The following GALNT10 variants were observed in gnomAD, a reference collection of about 807,000 sequenced individuals.
GALNT10 encodes polypeptide N-acetylgalactosaminyltransferase 10, also known as GalNAc transferase 10.
In GALNT10, 41 loss-of-function variants were observed where a neutral mutation model predicts 75.0. The observed-to-expected ratio is 0.55, with a 90% CI of 0.43 to 0.71. GALNT10 has a LOEUF of 0.71. Among genes scored for constraint, GALNT10 ranks in the 30% least tolerant of loss-of-function variants. The pLI is 0.00. For missense variants in GALNT10, 727 were observed against 818.5 expected (o/e 0.89, Z 1.36); for synonymous variants, 302 against 313.0 (o/e 0.96, Z 0.37).
At chr5:154,313,002 A>C (rs181267003) in intron 3 of GALNT10, among the ~76,000 whole-genome samples, 93 of 152,342 alleles carry the variant, frequency 6.1e-4, no homozygotes, top group African/African-American at 2.2e-3. Flanking sequence ...AACTGTCACT[A>C]GATTTTTTTA....
At chr5:154,362,106 A>T (rs138944339) in intron 4 of GALNT10, among the ~76,000 whole-genome samples, 1 of 152,192 alleles carries the variant, frequency 6.6e-6, no homozygotes, top group Non-Finnish European at 1.5e-5. Context: ...TGATACCCCA[A>T]ATATAAGAAG....
chr5:154,269,868 C>G (rs1262090040), intron 1 of GALNT10, among the ~76,000 whole-genome samples: 1 of 152,194 alleles, frequency 6.6e-6, no homozygotes, highest in Non-Finnish European at 1.5e-5. Flanking sequence ...CCCACAGTGA[C>G]ACCAAGGTGA....
chr5:154,389,048 G>A (rs772067617), intron 7 of GALNT10: 1 of 151,960 alleles, frequency 6.6e-6, no homozygotes, highest in Non-Finnish European at 1.5e-5. Context: ...GCTGCCCCAG[G>A]TGGGTGTTGA....
chr5:154,409,401 A>C lies in GALNT10; in HGVS notation c.1165-140A>C. ...TGATAAATAGAAACACAGAAGGCCT[A>C]AACTCACGGTGGGGCTGGGATTTTT... On this transcript the variant is annotated intron_variant, in intron 8 of 11. Coordinates refer to ENST00000297107, the MANE Select transcript of GALNT10 (RefSeq NM_198321.4). This position sits in a 1 kb window ranked among gnomAD's most constrained non-coding sequence, Gnocchi z 4.5. 1 of 743,732 alleles carries C rather than the reference A, an allele frequency of 1.3e-6. No individual in the cohort carries two copies. The highest frequency in any genetic ancestry group is 2.5e-6 in the Non-Finnish European group (1 of 404,008). 46.1% of individuals were successfully genotyped at this position (743,732 alleles called of 1,614,324 possible). A position where few individuals can be genotyped will look rare whatever the true frequency, so the allele number is the denominator to read the frequency against.
intron 1 of GALNT10, among the ~76,000 whole-genome samples, chr5:154,293,010 A>C (rs1754218317): frequency 6.6e-6 from 1 of 152,138 alleles, no homozygotes; most frequent in Admixed American, 6.5e-5. Flanking sequence ...GACATCTAGC[A>C]CACCAACTTT....
At chr5:154,272,374 T>G (rs1261938785) in intron 1 of GALNT10, among the ~76,000 whole-genome samples, 1 of 152,230 alleles carries the variant, frequency 6.6e-6, no homozygotes, top group African/African-American at 2.4e-5. Context: ...AATGTGGGAT[T>G]AATTTCTTCC....
rs1755226547 is a variant in GALNT10 at position 154,352,519 on chromosome 5, G to A, written c.568+22781G>A. On this transcript the variant is annotated intron_variant, in intron 4 of 11. Coordinates refer to ENST00000297107, the MANE Select transcript of GALNT10 (RefSeq NM_198321.4). The surrounding 1 kb of genome is among the most constrained non-coding windows in gnomAD (Gnocchi z 4.4). ...TTTGCCCATGAAAACCCTGCAGCTGGGAGAGGTTAAGTAATTGGCCCAAGA... is the reference window on the plus strand; with the variant it reads ...TTTGCCCATGAAAACCCTGCAGCTGAGAGAGGTTAAGTAATTGGCCCAAGA... 6.6e-6 allele frequency among the ~76,000 whole-genome samples: 1 copy of A among 152,172 alleles called. No individual in the cohort carries two copies. Among genetic ancestry groups the A allele is most frequent in the African/African-American group, 2.4e-5 (1 of 41,430 alleles).
intron 7 of GALNT10, among the ~76,000 whole-genome samples, chr5:154,397,367 C>T (rs1376216665): frequency 6.7e-6 from 1 of 150,358 alleles, no homozygotes; most frequent in Non-Finnish European, 1.5e-5. Flanking sequence ...CATGCAACGC[C>T]CTCCACCAGT....
At chr5:154,304,012 C>T (rs1754395902) in intron 3 of GALNT10, among the ~76,000 whole-genome samples, 1 of 151,936 alleles carries the variant, frequency 6.6e-6, no homozygotes, top group Admixed American at 6.5e-5. Context: ...ATGAAATCAA[C>T]AATGTCTAAA....
chr5:154,324,239 G>C (rs147967738), intron 3 of GALNT10, among the ~76,000 whole-genome samples: 25 of 152,344 alleles, frequency 1.6e-4, no homozygotes, highest in African/African-American at 5.8e-4. Flanking sequence ...AGTGTCCCCA[G>C]CTGCTGGCAG....
chr5:154,210,438 C>T (rs1289612286), intron 1 of GALNT10, among the ~76,000 whole-genome samples: 1 of 152,168 alleles, frequency 6.6e-6, no homozygotes, highest in Non-Finnish European at 1.5e-5. Context: ...AATTCTGCCT[C>T]ACCCTTCTAA....
chr5:154,303,966 G>A (rs974802093), intron 3 of GALNT10, among the ~76,000 whole-genome samples: 7 of 152,146 alleles, frequency 4.6e-5, no homozygotes, highest in African/African-American at 1.4e-4. Flanking sequence ...GTAGAGATAC[G>A]GAAGATATAA....
intron 1 of GALNT10, among the ~76,000 whole-genome samples, chr5:154,199,043 G>T (rs1230459331): frequency 6.6e-6 from 1 of 152,206 alleles, no homozygotes; most frequent in Non-Finnish European, 1.5e-5. Flanking sequence ...ACTCTTGTTT[G>T]CCTAAAATAT....
chr5:154,274,876 C>A (rs73281462), intron 1 of GALNT10, among the ~76,000 whole-genome samples: 27,374 of 152,090 alleles, frequency 0.18, 2,639 homozygotes, highest in African/African-American at 0.22. Flanking sequence ...TAGCAGCTGC[C>A]CCTCACATGG....
intron 4 of GALNT10, chr5:154,337,737 C>G (rs1346210576): frequency 1.6e-6 from 2 of 1,253,870 alleles, no homozygotes; most frequent in Non-Finnish European, 2.3e-6. Context: ...ACCACCATGG[C>G]TGCCACCAAA....
chr5:154,289,229 C>T (rs1391627117), intron 1 of GALNT10, among the ~76,000 whole-genome samples: 1 of 152,184 alleles, frequency 6.6e-6, no homozygotes, highest in South Asian at 2.1e-4. Context: ...GACACTTTGT[C>T]CCGGATTAGC....
chr5:154,210,152 G>A (rs1775172423), intron 1 of GALNT10, among the ~76,000 whole-genome samples: 1 of 152,098 alleles, frequency 6.6e-6, no homozygotes, highest in African/African-American at 2.4e-5. Context: ...AAGCCTAAGT[G>A]GCTTCCTGTT....
At chr5:154,257,498 G>A (rs1753632083) in intron 1 of GALNT10, among the ~76,000 whole-genome samples, 1 of 152,068 alleles carries the variant, frequency 6.6e-6, no homozygotes, top group Admixed American at 6.5e-5. Context: ...GGCCTAAGTG[G>A]AAAAGGGAAT....
chr5:154,204,660 C>T (rs1038945441), intron 1 of GALNT10, among the ~76,000 whole-genome samples: 1 of 152,170 alleles, frequency 6.6e-6, no homozygotes, highest in Non-Finnish European at 1.5e-5. Context: ...ATACTCTTCC[C>T]CAAGATTATA....
Sources: gnomAD v4.1 joint callset for allele counts (sites outside exome capture counted in the v4.1 genomes callset) on GRCh38, gnomAD v4.1.1 for gene constraint, Gnocchi (gnomAD v3.1) non-coding constraint, MANE v1.5 for transcripts, NCBI Gene and HGNC (gene_info 2026-07-23, HGNC 2026-07-21) for gene names.